NPSR1: variants seen among roughly 807,000 people sequenced by gnomAD.
NPSR1 encodes the protein neuropeptide S receptor 1.
A neutral mutation model predicts 46.9 loss-of-function variants in NPSR1; 48 were observed. The ratio of observed to expected loss-of-function variants is 1.02; its 90% CI spans 0.81 to 1.30. The LOEUF (loss-of-function observed/expected upper bound fraction) is 1.30, where lower values mean the gene tolerates loss of function less well. Ranked by LOEUF, NPSR1 falls within the 50% of genes most tolerant of loss-of-function variation. The probability of loss-of-function intolerance (pLI) is 0.00; values close to 1 mark genes in which losing one functional copy is unlikely to be tolerated. For synonymous variants in NPSR1, 176 were observed against 168.1 expected (o/e 1.05, Z -0.36); for missense variants, 450 against 449.5 (o/e 1.00, Z -0.01).
At chr7:34,792,486 C>A (rs1432303777) in intron 3 of NPSR1, among the ~76,000 whole-genome samples, 1 of 145,616 alleles carries the variant, frequency 6.9e-6, no homozygotes, top group African/African-American at 2.6e-5. Context: ...ATGGCAAACC[C>A]CTATCTCTAC....
intron 6 of NPSR1, among the ~76,000 whole-genome samples, chr7:34,844,037 G>A (rs971589700): frequency 6.6e-6 from 1 of 152,246 alleles, no homozygotes; most frequent in African/African-American, 2.4e-5. Flanking sequence ...CACAAAGGTG[G>A]CATATGGGCT....
At chr7:34,873,114 T>C (rs1050640785) in intron 8 of NPSR1, among the ~76,000 whole-genome samples, 5 of 151,828 alleles carry the variant, frequency 3.3e-5, no homozygotes, top group African/African-American at 1.2e-4. Flanking sequence ...CATTAAAGCA[T>C]AACATGGGTG....
At chr7:34,705,308 T>C (rs952246314) in intron 2 of NPSR1, among the ~76,000 whole-genome samples, 6 of 151,824 alleles carry the variant, frequency 4.0e-5, no homozygotes, top group Admixed American at 6.6e-5. Context: ...ACGCCCGTAA[T>C]ACCAGCTACT....
intron 6 of NPSR1, among the ~76,000 whole-genome samples, chr7:34,841,431 G>A (rs1790562634): frequency 6.6e-6 from 1 of 152,206 alleles, no homozygotes; most frequent in Admixed American, 6.5e-5. Flanking sequence ...AACTAAAACA[G>A]TCCACATCAG....
rs996989579 is a variant in NPSR1 at position 34,823,308 on chromosome 7, C to A, written c.479-4093C>A. Among the ~76,000 whole-genome samples, 9 of 148,470 alleles carry A rather than the reference C, an allele frequency of 6.1e-5. No homozygotes were observed. The East Asian group carries it at 1.9e-3, about 31-fold the overall frequency. ...TCAAGAGGCTGAGGCACAAGAATCG[C>A]TTGAACCTGGGAAGCGGAGGTTGCG... On this transcript the variant is annotated intron_variant, in intron 4 of 8. Coordinates refer to ENST00000360581, the MANE Select transcript of NPSR1 (RefSeq NM_207172.2).
rs1784639154 is a variant in NPSR1 at position 34,735,773 on chromosome 7, T to C, written c.281-42689T>C. Among the ~76,000 whole-genome samples the C allele has an allele frequency of 2.0e-5, 3 of 152,246 alleles. No individual in the cohort carries two copies. The South Asian group carries it at 6.2e-4, about 32-fold the overall frequency. ...GGCAAAGAGCTTTTCATTACGGGGC[T>C]ATTTATAACAACAGAAAACCGTAAA... On this transcript the variant is annotated intron_variant, in intron 2 of 8. Transcript: ENST00000360581.
At chr7:34,845,014 G>T in intron 7 of NPSR1, 32 bp downstream of exon 7, 3 of 1,495,312 alleles carry the variant, frequency 2.0e-6, no homozygotes, top group South Asian at 1.1e-5. Context: ...GCTGTAAAGT[G>T]GTATGAACGT....
intron 3 of NPSR1, 68 bp downstream of exon 3, chr7:34,778,633 G>GAAAAA: frequency 9.9e-7 from 1 of 1,013,148 alleles, no homozygotes; most frequent in Admixed American, 2.0e-5. Flanking sequence ...TTTATCTAAG[G>GAAAAA]AAAATCATAT....
chr7:34,750,339 C>T (rs1037266278), intron 2 of NPSR1: 2 of 715,538 alleles, frequency 2.8e-6, no homozygotes. Flanking sequence ...AAAAAATCTT[C>T]CTCACTTGAC....
rs549512831 is a variant in NPSR1, at chr7:34,671,594, G to T, written c.148-12958G>T. Reference sequence around the variant, plus strand: ...AACCAAGGCAGATGACTGGCTGTATGAATTGAGTGCACACCAACTCATTAG... The same window carrying T: ...AACCAAGGCAGATGACTGGCTGTATTAATTGAGTGCACACCAACTCATTAG... On this transcript the variant is annotated intron_variant, in intron 1 of 8. Coordinates refer to ENST00000360581, the MANE Select transcript of NPSR1 (RefSeq NM_207172.2). Among the ~76,000 whole-genome samples the T allele has an allele frequency of 2.7e-4, 41 of 152,278 alleles. No individual in the cohort carries two copies. The Middle Eastern group carries it at 0.01, about 38-fold the overall frequency.
chr7:34,745,729 G>T (rs34703283), intron 2 of NPSR1, among the ~76,000 whole-genome samples: 7,706 of 152,196 alleles, frequency 0.051, 259 homozygotes, highest in Middle Eastern at 0.082. Context: ...GCCCAGGCTG[G>T]TCTTAAACTC....
At chr7:34,682,770 T>C (rs549700182) in intron 1 of NPSR1, among the ~76,000 whole-genome samples, 2 of 152,226 alleles carry the variant, frequency 1.3e-5, no homozygotes, top group Non-Finnish European at 2.9e-5. Flanking sequence ...TTAGTTTTTA[T>C]TCTTGATGCT....
chr7:34,821,127 CTTTTTTTTTTTT>C (rs35086136), intron 4 of NPSR1, among the ~76,000 whole-genome samples: 1 of 94,854 alleles, frequency 1.1e-5, no homozygotes, highest in Non-Finnish European at 2.2e-5. Flanking sequence ...TTGTGATACA[CTTTTTTTTTTTT>C]TTTTTTTTTT....
chr7:34,708,427 C>T (rs1794216170), intron 2 of NPSR1, among the ~76,000 whole-genome samples: 1 of 152,144 alleles, frequency 6.6e-6, no homozygotes, highest in South Asian at 2.1e-4. Flanking sequence ...ATTCAGACTT[C>T]CCCAAAACAC....
At chr7:34,691,379 T>C (rs1183953349) in intron 2 of NPSR1, among the ~76,000 whole-genome samples, 1 of 152,130 alleles carries the variant, frequency 6.6e-6, no homozygotes, top group Non-Finnish European at 1.5e-5. Flanking sequence ...ATATTAATCT[T>C]GAATGCAAAT....
intron 2 of NPSR1, among the ~76,000 whole-genome samples, chr7:34,706,444 A>T (rs535985431): frequency 1.8e-4 from 28 of 152,166 alleles, no homozygotes; most frequent in Non-Finnish European, 4.1e-4. Context: ...CGTGGGAAGA[A>T]TAATTTATAC....
intron 6 of NPSR1, among the ~76,000 whole-genome samples, chr7:34,842,443 C>G (rs528553769): frequency 6.6e-6 from 1 of 152,250 alleles, no homozygotes; most frequent in South Asian, 2.1e-4. Context: ...TGGTCTCTAC[C>G]CACTAGACGC....
At chr7:34,792,715 T>TATA (rs1787980054) in intron 3 of NPSR1, among the ~76,000 whole-genome samples, 2 of 98,920 alleles carry the variant, frequency 2.0e-5, no homozygotes, top group African/African-American at 7.7e-5. Context: ...ATATATATAT[T>TATA]TATATATATA....
rs1789032343 is a variant in NPSR1 at position 34,812,447 on chromosome 7, G to A, written c.478+584G>A. Among the ~76,000 whole-genome samples, 4 of 152,196 alleles carry A rather than the reference G, an allele frequency of 2.6e-5. No homozygotes were observed. In the South Asian group the frequency reaches 8.3e-4, roughly 32 times the overall value. ...GCCCACAAAACCCCTAGGAGATGCTGAAGTGGGATGGGAGGCCTTAGGAGC... is the reference window on the plus strand; with the variant it reads ...GCCCACAAAACCCCTAGGAGATGCTAAAGTGGGATGGGAGGCCTTAGGAGC... On this transcript the variant is annotated intron_variant, in intron 4 of 8. Transcript: ENST00000360581.
Sources: allele counts gnomAD v4.1 joint callset (sites outside exome capture counted in the v4.1 genomes callset), GRCh38; gene constraint gnomAD v4.1.1; transcripts MANE v1.5; gene names NCBI Gene and HGNC (gene_info 2026-07-23, HGNC 2026-07-21).